The following KDM4C variants were observed in gnomAD, a reference collection of about 807,000 sequenced individuals.
KDM4C encodes lysine demethylase 4C.
A neutral mutation model predicts 129.3 loss-of-function variants in KDM4C; 81 were observed. The ratio of observed to expected loss-of-function variants is 0.63; its 90% CI spans 0.52 to 0.75. The LOEUF (loss-of-function observed/expected upper bound fraction) is 0.75, where lower values mean the gene tolerates loss of function less well. Among genes scored for constraint, KDM4C ranks in the 30% least tolerant of loss-of-function variants. The pLI is 0.00. For synonymous variants in KDM4C, 573 were observed against 456.1 expected (o/e 1.26, Z -3.26); for missense variants, 1,457 against 1,304.0 (o/e 1.12, Z -1.81).
At chr9:7,064,676 T>C (rs1021772434) in intron 17 of KDM4C, among the ~76,000 whole-genome samples, 1 of 152,210 alleles carries the variant, frequency 6.6e-6, no homozygotes, top group Non-Finnish European at 1.5e-5. Context: ...CTTTCTTAAT[T>C]TGAGGTCCTT....
intron 5 of KDM4C, among the ~76,000 whole-genome samples, chr9:6,851,033 G>A (rs1380471851): frequency 6.6e-6 from 1 of 152,222 alleles, no homozygotes; most frequent in African/African-American, 2.4e-5. Context: ...GAAATTACAG[G>A]CGTGAGCCAC....
At chr9:6,996,249 C>T (rs1315243510) in intron 12 of KDM4C, among the ~76,000 whole-genome samples, 6 of 152,164 alleles carry the variant, frequency 3.9e-5, no homozygotes, top group Admixed American at 1.3e-4. Flanking sequence ...ATCGTGCTGA[C>T]GCCAACTCCA....
intron 1 of KDM4C, among the ~76,000 whole-genome samples, chr9:6,752,332 CAAAAAAAAAAA>C (rs1159747148): frequency 1.0e-4 from 2 of 19,258 alleles, no homozygotes; most frequent in Non-Finnish European, 2.0e-4. Flanking sequence ...AACTCCGTCT[CAAAAAAAAAAA>C]AAAAAAAAAA....
intron 8 of KDM4C, among the ~76,000 whole-genome samples, chr9:6,936,493 G>C (rs1040708382): frequency 2.0e-5 from 3 of 152,138 alleles, no homozygotes; most frequent in Non-Finnish European, 4.4e-5. Flanking sequence ...TGAAGTCTTA[G>C]TCACTTTTGA....
chr9:6,974,412 T>G (rs544089353), intron 8 of KDM4C, among the ~76,000 whole-genome samples: 3 of 151,538 alleles, frequency 2.0e-5, no homozygotes, highest in Admixed American at 2.0e-4. Context: ...CAGGCTGGAG[T>G]GCAGTTGTGC....
upstream of KDM4C, among the ~76,000 whole-genome samples, chr9:6,756,095 T>C (rs1343901173): frequency 1.3e-5 from 2 of 152,240 alleles, no homozygotes; most frequent in Admixed American, 6.5e-5. Context: ...TTTTTTATTC[T>C]GGTGCACAAG....
At chr9:6,771,836 C>CTCAA (rs141031095) in intron 1 of KDM4C, among the ~76,000 whole-genome samples, 10,337 of 152,160 alleles carry the variant, frequency 0.068, 580 homozygotes, top group South Asian at 0.23. Context: ...GCTGGAGGGC[C>CTCAA]TCAATGGGTG....
intron 1 of KDM4C, among the ~76,000 whole-genome samples, chr9:6,740,971 C>T (rs1318223542): frequency 2.0e-5 from 3 of 151,462 alleles, no homozygotes; most frequent in Non-Finnish European, 4.4e-5. Flanking sequence ...ACTACAGACG[C>T]ATGCCACCAT....
chr9:7,099,251 A>T (rs557700624), intron 17 of KDM4C, among the ~76,000 whole-genome samples: 1 of 152,242 alleles, frequency 6.6e-6, no homozygotes, highest in East Asian at 1.9e-4. Flanking sequence ...CAGAAATCAT[A>T]TTAACAGGAA....
intron 4 of KDM4C, among the ~76,000 whole-genome samples, chr9:6,815,851 C>T (rs1238186614): frequency 2.0e-5 from 3 of 152,158 alleles, no homozygotes; most frequent in Non-Finnish European, 4.4e-5. Flanking sequence ...AATATTTTGC[C>T]ACATTTGCTT....
intron 2 of KDM4C, among the ~76,000 whole-genome samples, chr9:6,797,837 TC>T (rs1037590270): frequency 2.6e-5 from 4 of 152,212 alleles, no homozygotes; most frequent in African/African-American, 9.7e-5. Context: ...GCAGAAAGTT[TC>T]CCACAGGGAA....
intron 8 of KDM4C, among the ~76,000 whole-genome samples, chr9:6,951,224 A>G (rs548716565): frequency 2.0e-5 from 3 of 152,308 alleles, no homozygotes; most frequent in South Asian, 2.1e-4. Flanking sequence ...ATATATTTCT[A>G]TTAACTATAG....
intron 15 of KDM4C, among the ~76,000 whole-genome samples, chr9:7,030,525 G>C (rs1029371692): frequency 1.1e-4 from 16 of 152,152 alleles, no homozygotes. Flanking sequence ...TCTGGTGGGG[G>C]ATGTTGATAA....
At chr9:7,071,351 G>A (rs538129963) in intron 17 of KDM4C, among the ~76,000 whole-genome samples, 49 of 152,054 alleles carry the variant, frequency 3.2e-4, no homozygotes, top group Non-Finnish European at 5.7e-4. Context: ...ATTTGGAAAA[G>A]AACAACAAAA....
intron 4 of KDM4C, among the ~76,000 whole-genome samples, chr9:6,846,167 A>T (rs1462319029): frequency 6.6e-6 from 1 of 152,160 alleles, no homozygotes; most frequent in East Asian, 1.9e-4. Context: ...GAAGAGGATG[A>T]TATGTTGTGT....
At chr9:6,851,691 T>G (rs1345869732) in intron 5 of KDM4C, among the ~76,000 whole-genome samples, 1 of 152,196 alleles carries the variant, frequency 6.6e-6, no homozygotes, top group Admixed American at 6.5e-5. Flanking sequence ...TAGGAAAGTT[T>G]AAATGAAGTG....
intron 17 of KDM4C, among the ~76,000 whole-genome samples, chr9:7,090,246 T>G (rs1835641421): frequency 6.6e-6 from 1 of 152,252 alleles, no homozygotes. Flanking sequence ...GCCTTTAAAA[T>G]GACATTTACC....
At position 7,134,299 on chromosome 9, in the gene KDM4C, C is replaced by T. The variant is rs551096103; in HGVS notation, c.2781+6063C>T. ...TTAGTTACGAGGGAAACCTTTTATACATGTAAAAGAGTGTCTAAATTTACT... is the reference window on the plus strand; with the variant it reads ...TTAGTTACGAGGGAAACCTTTTATATATGTAAAAGAGTGTCTAAATTTACT... On this transcript the variant is annotated intron_variant, in intron 19 of 21. Coordinates refer to ENST00000381309, the MANE Select transcript of KDM4C (RefSeq NM_015061.6). Among the ~76,000 whole-genome samples, 6 of 152,276 alleles carry T rather than the reference C, an allele frequency of 3.9e-5. 1 individual carries two copies. In the South Asian group the frequency reaches 1.0e-3, roughly 26 times the overall value.
chr9:6,740,057 T>C (rs1817636665), intron 1 of KDM4C, among the ~76,000 whole-genome samples: 1 of 150,954 alleles, frequency 6.6e-6, no homozygotes, highest in Admixed American at 6.6e-5. Flanking sequence ...ACTCAGCTAA[T>C]TTTTGTATTT....
Sources: allele counts gnomAD v4.1 joint callset (sites outside exome capture counted in the v4.1 genomes callset), GRCh38; gene constraint gnomAD v4.1.1; transcripts MANE v1.5; gene names NCBI Gene and HGNC (gene_info 2026-07-23, HGNC 2026-07-21).